MYO16: variants seen among roughly 807,000 people sequenced by gnomAD.
MYO16 encodes the protein myosin XVI.
Under a neutral mutation model 205.3 loss-of-function variants are expected in MYO16, and 94 were observed. The observed-to-expected ratio is 0.46, with a 90% CI of 0.39 to 0.54. The LOEUF is 0.54. Ranked by LOEUF, MYO16 falls within the 20% of genes least tolerant of loss-of-function variation. MYO16 has a pLI of 0.00. For synonymous variants in MYO16, 988 were observed against 954.0 expected (o/e 1.04, Z -0.66); for missense variants, 2,315 against 2,387.5 (o/e 0.97, Z 0.63).
chr13:108,500,856 C>T, the MYO16 span, among the ~76,000 whole-genome samples: 1 of 152,144 alleles, frequency 6.6e-6, no homozygotes, highest in Non-Finnish European at 1.5e-5. Context: ...AAAGTGCCTG[C>T]TCCTCCCCAT....
chr13:109,101,945 C>CT (rs1023639348), intron 28 of MYO16: 2 of 152,062 alleles, frequency 1.3e-5, no homozygotes, highest in African/African-American at 4.8e-5. Context: ...GTGGCCCAGT[C>CT]TAAGTAAAAC....
intron 34 of MYO16, among the ~76,000 whole-genome samples, chr13:109,193,473 T>C (rs1406816628): frequency 6.6e-6 from 1 of 152,236 alleles, no homozygotes; most frequent in African/African-American, 2.4e-5. Flanking sequence ...GATTGGGTTC[T>C]GTTACAATCC....
At chr13:108,935,819 GT>G (rs796450434) in intron 16 of MYO16, among the ~76,000 whole-genome samples, 1,799 of 145,496 alleles carry the variant, frequency 0.012, 37 homozygotes, top group East Asian at 0.045. Context: ...TTTCTTGAGG[GT>G]TTTTTTTTTT....
intron 14 of MYO16, among the ~76,000 whole-genome samples, chr13:108,889,884 G>A (rs1225079251): frequency 6.6e-6 from 1 of 151,874 alleles, no homozygotes; most frequent in African/African-American, 2.4e-5. Flanking sequence ...GCAAACACGT[G>A]GCCAAAATTG....
rs1430347498 is a variant in MYO16, at chr13:109,068,794, T to G, written c.3335+13199T>G. ...TTAGTAGAGAAGGGGTTTCACCATG[T>G]TGGTCAGGCTGGTCTCAAACTCCTG... On this transcript the variant is annotated intron_variant, in intron 27 of 34. Transcript: ENST00000457511. Among the ~76,000 whole-genome samples, 4 of 152,184 alleles carry G rather than the reference T, an allele frequency of 2.6e-5. No individual in the cohort carries two copies. In the South Asian group the frequency reaches 8.3e-4, roughly 32 times the overall value.
rs76420768 is a variant in MYO16 at position 109,029,084 on chromosome 13, C to G, written c.2796+9173C>G. On this transcript the variant is annotated intron_variant, in intron 23 of 34. Coordinates refer to ENST00000457511, the MANE Select transcript of MYO16 (RefSeq NM_001198950.3). Reference sequence around the variant, plus strand: ...AGATGATCTAGTGATGAAAGCCAACCTCTTTGCCTTTAAACATTTTTTCTT... The same window carrying G: ...AGATGATCTAGTGATGAAAGCCAACGTCTTTGCCTTTAAACATTTTTTCTT... Among the ~76,000 whole-genome samples the G allele has an allele frequency of 7.1e-3, 1,064 of 149,880 alleles. 8 individuals carry two copies. Among genetic ancestry groups the G allele is most frequent in the Non-Finnish European group, 0.012 (835 of 67,618 alleles).
intron 4 of MYO16, among the ~76,000 whole-genome samples, chr13:108,746,248 T>A: frequency 6.6e-6 from 1 of 152,018 alleles, no homozygotes; most frequent in Non-Finnish European, 1.5e-5. Flanking sequence ...AAATGAAGAA[T>A]GCCTTTGATG....
chr13:109,013,114 A>ACT (rs1555323860), intron 22 of MYO16, among the ~76,000 whole-genome samples: 1 of 55,130 alleles, frequency 1.8e-5, no homozygotes, highest in Non-Finnish European at 3.4e-5. Flanking sequence ...CCCCTCCCCC[A>ACT]CCCCCCCCCA....
intron 5 of MYO16, among the ~76,000 whole-genome samples, chr13:108,792,011 C>T (rs1304623224): frequency 6.6e-6 from 1 of 152,178 alleles, no homozygotes; most frequent in Non-Finnish European, 1.5e-5. Flanking sequence ...AGGGAGGTAT[C>T]ACCATCATTA....
At chr13:108,737,069 C>G (rs1884728878) in intron 4 of MYO16, among the ~76,000 whole-genome samples, 1 of 152,166 alleles carries the variant, frequency 6.6e-6, no homozygotes, top group South Asian at 2.1e-4. Flanking sequence ...GATATACAGT[C>G]ATGTCATCTG....
Position 109,125,977 on chromosome 13 carries a change from G to A in MYO16, c.3782+619G>A, listed in dbSNP as rs1165544227. Among the ~76,000 whole-genome samples, 1 of 152,170 alleles carries A rather than the reference G, an allele frequency of 6.6e-6. No homozygotes were observed. Among genetic ancestry groups the A allele is most frequent in the Non-Finnish European group, 1.5e-5 (1 of 68,032 alleles). The stretch of plus-strand genomic sequence containing the variant: ...CATTTGATCACTCTCCTCTCTCTGT[G>A]AATGATGAAGACACCCGTGAATCAC... On this transcript the variant is annotated intron_variant, in intron 30 of 34. Transcript: ENST00000457511. The surrounding 1 kb of genome is among the most constrained non-coding windows in gnomAD (Gnocchi z 4.0).
At chr13:108,694,546 G>T (rs1182179966) in intron 2 of MYO16, among the ~76,000 whole-genome samples, 4 of 151,460 alleles carry the variant, frequency 2.6e-5, no homozygotes, top group Non-Finnish European at 2.9e-5. Flanking sequence ...AAAGTATTTT[G>T]TCTATTTTTG....
chr13:108,643,743 G>A (rs1344046451), intron 1 of MYO16, among the ~76,000 whole-genome samples: 1 of 152,176 alleles, frequency 6.6e-6, no homozygotes. Context: ...GCTATTATGA[G>A]TAGAGCCTTT....
chr13:108,749,029 G>C (rs745446903), intron 4 of MYO16, among the ~76,000 whole-genome samples: 2 of 151,880 alleles, frequency 1.3e-5, no homozygotes, highest in Non-Finnish European at 2.9e-5. Context: ...TTTCAGTTTG[G>C]CAGGGTTTTT....
At position 108,820,295 on chromosome 13, in the gene MYO16, CT is replaced by C. The variant is rs1421393291; in HGVS notation, c.868-41del. 3 of 1,427,536 alleles carry C rather than the reference CT, an allele frequency of 2.1e-6. No homozygotes were observed. The African/African-American group carries it at 4.3e-5, about 20-fold the overall frequency. 88.4% of individuals were successfully genotyped at this position (1,427,536 alleles called of 1,614,324 possible). A position where few individuals can be genotyped will look rare whatever the true frequency, so the allele number is the denominator to read the frequency against. ...ATGACTTACTGATGTATCCTAGCTT[CT>C]GCCATGGTGGTTCCCATTTCAATTA... is the stretch of plus-strand genomic sequence containing the variant. On this transcript the variant is annotated intron_variant, in intron 7 of 34. Transcript: ENST00000457511.
At chr13:108,817,065 G>C (rs1875656266) in intron 7 of MYO16, among the ~76,000 whole-genome samples, 1 of 152,086 alleles carries the variant, frequency 6.6e-6, no homozygotes, top group South Asian at 2.1e-4. Flanking sequence ...AAGTGTTGGA[G>C]AGCATGTGGC....
intron 3 of MYO16, among the ~76,000 whole-genome samples, chr13:108,714,109 T>G (rs865790221): frequency 3.5e-4 from 54 of 152,256 alleles, no homozygotes; most frequent in Non-Finnish European, 4.3e-4. Flanking sequence ...CAGGCTGGAG[T>G]GCAGTGGTGC....
At chr13:108,762,244 G>A (rs890447729) in intron 4 of MYO16, among the ~76,000 whole-genome samples, 4 of 151,718 alleles carry the variant, frequency 2.6e-5, no homozygotes, top group African/African-American at 4.8e-5. Flanking sequence ...CAGTAGTCCA[G>A]GGGTGGACAC....
At chr13:108,557,918 A>T in the MYO16 span, among the ~76,000 whole-genome samples, 1 of 152,188 alleles carries the variant, frequency 6.6e-6, no homozygotes. Flanking sequence ...ATATAGATAG[A>T]TAGGTGATAG....
Sources: allele counts gnomAD v4.1 joint callset (sites outside exome capture counted in the v4.1 genomes callset), GRCh38; gene constraint gnomAD v4.1.1; non-coding constraint Gnocchi (gnomAD v3.1); transcripts MANE v1.5; gene names NCBI Gene and HGNC (gene_info 2026-07-23, HGNC 2026-07-21).